The following ZMIZ1 variants were observed in gnomAD, a reference collection of about 807,000 sequenced individuals.
The protein encoded by ZMIZ1 is zinc finger MIZ domain-containing protein 1.
In ZMIZ1, 17 loss-of-function variants were observed where a neutral mutation model predicts 113.9. The ratio of observed to expected loss-of-function variants is 0.15; its 90% CI spans 0.10 to 0.22. ZMIZ1 has a LOEUF of 0.22. ZMIZ1 is among the 10% of genes least tolerant of loss of function. The probability of loss-of-function intolerance (pLI) is 1.00; values close to 1 mark genes in which losing one functional copy is unlikely to be tolerated. For synonymous variants in ZMIZ1, 607 were observed against 603.1 expected (o/e 1.01, Z -0.09); for missense variants, 1,059 against 1,477.8 (o/e 0.72, Z 4.65).
intron 4 of ZMIZ1, among the ~76,000 whole-genome samples, chr10:79,164,013 G>T (rs185293858): frequency 6.6e-6 from 1 of 151,976 alleles, no homozygotes; most frequent in Non-Finnish European, 1.5e-5. Flanking sequence ...GAGCAGCTTC[G>T]AGTTGATTCT....
Position 79,316,212 on chromosome 10 carries a change from A to G in ZMIZ1, c.*3463A>G, listed in dbSNP as rs1855524775. On this transcript the variant is annotated 3_prime_UTR_variant, in exon 25 of 25. Coordinates refer to ENST00000334512, the MANE Select transcript of ZMIZ1 (RefSeq NM_020338.4). Reference sequence around the variant, plus strand: ...CAGTGCAGCCTGAAGTAACTCCCACAGAAACCATCATCGTCTTTGTACATC... The same window carrying G: ...CAGTGCAGCCTGAAGTAACTCCCACGGAAACCATCATCGTCTTTGTACATC... 6.6e-6 allele frequency: 1 copy of G among 152,622 alleles called. No individual in the cohort carries two copies. The highest frequency in any genetic ancestry group is 2.4e-5 in the African/African-American group (1 of 41,474). The allele number at this position is 152,622 out of a possible 1,614,324, so 9.5% of individuals were successfully genotyped here.
chr10:79,303,818 A>G (rs1374854021), intron 18 of ZMIZ1, among the ~76,000 whole-genome samples, 197 bp from the exon 19 acceptor site: 2 of 152,252 alleles, frequency 1.3e-5, no homozygotes, highest in Non-Finnish European at 2.9e-5. Flanking sequence ...CGTGTCCCAC[A>G]TGGAGACAGC....
intron 1 of ZMIZ1, among the ~76,000 whole-genome samples, chr10:79,101,385 T>TG (rs1219134782): frequency 6.6e-6 from 1 of 151,966 alleles, no homozygotes; most frequent in Non-Finnish European, 1.5e-5. Flanking sequence ...CTCAGAGTGC[T>TG]GGGGGGATGC....
In ZMIZ1 at chr10:79,069,580, C is replaced by T. The variant is rs1189277891; in HGVS notation, c.-337+310C>T. On this transcript the variant is annotated intron_variant, in intron 1 of 24. Transcript: ENST00000334512. The surrounding 1 kb of genome is among the most constrained non-coding windows in gnomAD (Gnocchi z 4.6). ...GCGCGGACCCGGTGCCCGCCTCCTGCCGGCGCGCCTCCAGCCCTCGCTCCC... is the reference window on the plus strand; with the variant it reads ...GCGCGGACCCGGTGCCCGCCTCCTGTCGGCGCGCCTCCAGCCCTCGCTCCC... Among the ~76,000 whole-genome samples the T allele has an allele frequency of 6.6e-6, 1 of 150,952 alleles. No homozygotes were observed. The highest frequency in any genetic ancestry group is 2.4e-5 in the African/African-American group (1 of 41,024).
At position 79,069,928 on chromosome 10, in the gene ZMIZ1, C is replaced by T. The variant is rs1842197930; in HGVS notation, c.-337+658C>T. ...TGCAGGGTTTTCTCCCAGGGCTTCGCAAGCCAGAGGGGCGCTCAGGCCAGT... is the reference window on the plus strand; with the variant it reads ...TGCAGGGTTTTCTCCCAGGGCTTCGTAAGCCAGAGGGGCGCTCAGGCCAGT... On this transcript the variant is annotated intron_variant, in intron 1 of 24. Transcript: ENST00000334512. The surrounding 1 kb of genome is among the most constrained non-coding windows in gnomAD (Gnocchi z 4.6). 6.6e-6 allele frequency among the ~76,000 whole-genome samples: 1 copy of T among 151,772 alleles called. No homozygotes were observed. The highest frequency in any genetic ancestry group is 1.5e-5 in the Non-Finnish European group (1 of 67,910).
chr10:79,081,024 C>G (rs4980025), intron 1 of ZMIZ1, among the ~76,000 whole-genome samples: 19,750 of 152,194 alleles, frequency 0.13, 1,407 homozygotes, highest in East Asian at 0.2. Flanking sequence ...CCCATCTACG[C>G]TATCCCCATA....
rs116958243 is a variant in ZMIZ1 at position 79,147,759 on chromosome 10, G to A, written c.-131+7982G>A. On this transcript the variant is annotated intron_variant, in intron 3 of 24. Transcript: ENST00000334512. Reference sequence around the variant, plus strand: ...CTCAGGAAGAGCAGTGAGAGGCACCGCCGAGCCTCTCATGGACCAAGCAGG... The same window carrying A: ...CTCAGGAAGAGCAGTGAGAGGCACCACCGAGCCTCTCATGGACCAAGCAGG... 6.1e-3 allele frequency among the ~76,000 whole-genome samples: 934 copies of A among 152,278 alleles called. 4 individuals carry two copies. Among genetic ancestry groups the A allele is most frequent in the Non-Finnish European group, 8.5e-3 (576 of 68,018 alleles).
At chr10:79,278,110 G>C (rs1047325368) in intron 8 of ZMIZ1, among the ~76,000 whole-genome samples, 2 of 152,270 alleles carry the variant, frequency 1.3e-5, no homozygotes, top group African/African-American at 4.8e-5. Flanking sequence ...TCGAGGTGCT[G>C]CTGGGAACTC....
At chr10:79,259,350 C>T (rs1286347660) in intron 7 of ZMIZ1, among the ~76,000 whole-genome samples, 1 of 152,114 alleles carries the variant, frequency 6.6e-6, no homozygotes, top group Non-Finnish European at 1.5e-5. Context: ...TTCTGCCTCT[C>T]CTGAGAAGCC....
chr10:79,220,946 A>G (rs955762784), intron 7 of ZMIZ1, among the ~76,000 whole-genome samples: 1 of 151,854 alleles, frequency 6.6e-6, no homozygotes, highest in South Asian at 2.1e-4. Context: ...GTGTATGTCT[A>G]TGACGTATAT....
At chr10:79,179,447 C>G (rs1451643955) in intron 4 of ZMIZ1, among the ~76,000 whole-genome samples, 1 of 152,238 alleles carries the variant, frequency 6.6e-6, no homozygotes, top group Non-Finnish European at 1.5e-5. Flanking sequence ...CCCCATTTTG[C>G]CTGGCTCTGC....
chr10:79,173,256 G>A (rs1032450190), intron 4 of ZMIZ1, among the ~76,000 whole-genome samples: 18 of 152,172 alleles, frequency 1.2e-4, no homozygotes, highest in Admixed American at 1.1e-3. Flanking sequence ...ACATAAATTC[G>A]TAAACTTTCT....
chr10:79,237,913 G>A (rs887207292), intron 7 of ZMIZ1, among the ~76,000 whole-genome samples: 22 of 152,244 alleles, frequency 1.4e-4, no homozygotes, highest in African/African-American at 5.3e-4. Flanking sequence ...CCACCAGCTA[G>A]TCAGAACTTG....
chr10:79,102,139 C>T (rs549539200), intron 1 of ZMIZ1, among the ~76,000 whole-genome samples: 1 of 152,348 alleles, frequency 6.6e-6, no homozygotes, highest in South Asian at 2.1e-4. Context: ...TTCCTCACCT[C>T]CCTCCACCTA....
At chr10:79,278,142 A>T (rs927613142) in intron 8 of ZMIZ1, among the ~76,000 whole-genome samples, 1 of 152,206 alleles carries the variant, frequency 6.6e-6, no homozygotes, top group African/African-American at 2.4e-5. Context: ...ACGCTTTATA[A>T]ATCGAATTAG....
Position 79,297,521 on chromosome 10 carries a change from G to C in ZMIZ1, c.1414-92G>C, listed in dbSNP as rs191538778. ...GTGGATGGGCCCCTGTAGCATCCCC[G>C]TGCTCCTGGTAGATTTTACTGTCCA... On this transcript the variant is annotated intron_variant, in intron 13 of 24. Transcript: ENST00000334512. 27 of 1,092,644 alleles carry C rather than the reference G, an allele frequency of 2.5e-5. No homozygotes were observed. The African/African-American group carries it at 3.6e-4, about 14-fold the overall frequency. The allele number at this position is 1,092,644 out of a possible 1,614,324, so 67.7% of individuals were successfully genotyped here. A position where few individuals can be genotyped will look rare whatever the true frequency, so the allele number is the denominator to read the frequency against.
intron 7 of ZMIZ1, among the ~76,000 whole-genome samples, chr10:79,249,213 T>A (rs1384992269): frequency 1.3e-5 from 2 of 152,322 alleles, no homozygotes; most frequent in East Asian, 3.9e-4. Context: ...TTTCCCTGGA[T>A]CCCCACACCC....
intron 4 of ZMIZ1, among the ~76,000 whole-genome samples, chr10:79,170,540 C>T (rs1269589760): frequency 2.0e-5 from 3 of 152,166 alleles, no homozygotes; most frequent in South Asian, 4.1e-4. Flanking sequence ...CAGGCATTAG[C>T]GGAGTCCACT....
chr10:79,224,467 G>A (rs561923235), intron 7 of ZMIZ1, among the ~76,000 whole-genome samples: 3 of 152,164 alleles, frequency 2.0e-5, no homozygotes, highest in South Asian at 4.2e-4. Flanking sequence ...CTCTCATCTG[G>A]GGGATTAGCT....
Sources: gnomAD v4.1 joint callset for allele counts (sites outside exome capture counted in the v4.1 genomes callset) on GRCh38, gnomAD v4.1.1 for gene constraint, Gnocchi (gnomAD v3.1) non-coding constraint, MANE v1.5 for transcripts, NCBI Gene and HGNC (gene_info 2026-07-23, HGNC 2026-07-21) for gene names.